Variants in ZNF608 observed in about 807,000 individuals in gnomAD.
ZNF608 encodes the protein zinc finger protein 608.
In ZNF608, 12 loss-of-function variants were observed where a neutral mutation model predicts 109.0. That is an observed-to-expected ratio of 0.11 (90% confidence interval 0.07 to 0.18). The LOEUF (loss-of-function observed/expected upper bound fraction) is 0.18. Ranked by LOEUF, ZNF608 falls within the 10% of genes least tolerant of loss-of-function variation. The probability of loss-of-function intolerance (pLI) is 1.00; values close to 1 mark genes in which losing one functional copy is unlikely to be tolerated. For synonymous variants in ZNF608, 732 were observed against 717.4 expected, an observed-to-expected ratio of 1.02 and a Z score of -0.33; for missense variants, 1,707 against 1,879.3, an observed-to-expected ratio of 0.91 and a Z score of 1.70.
At chr5:124,662,904 C>A (rs1751329424) in intron 3 of ZNF608, among the ~76,000 whole-genome samples, 1 of 152,158 alleles carries the variant, frequency 6.6e-6, no homozygotes, top group Non-Finnish European at 1.5e-5. Context: ...AATACCAATG[C>A]AAACAGAATG....
intron 3 of ZNF608, among the ~76,000 whole-genome samples, chr5:124,651,833 A>C (rs1750795714): frequency 6.6e-6 from 1 of 152,194 alleles, no homozygotes; most frequent in Middle Eastern, 3.2e-3. Context: ...AGCGTGGCGG[A>C]GGCAAAGGGA....
chr5:124,648,950 T>A lies in ZNF608; in HGVS notation c.1434A>T (p.Gly478=), dbSNP rs746494012. The A allele has an allele frequency of 1.9e-6, 3 of 1,614,044 alleles. No individual in the cohort carries two copies. The highest frequency in any genetic ancestry group is 3.3e-5 in the Admixed American group (2 of 59,990). ...KGRRGSLNAS[G]RRTPPNCAAE... ...CAGCACAATTTGGGGGTGTCCTTCG[T>A]CCGCTGGCATTGAGGCTGCCCCGCC... The change falls in exon 5 of 10, where the codon GGA becomes GGT. Residue 478 remains glycine (G), a synonymous_variant. Transcript: ENST00000513986.
At chr5:124,697,457 T>G (rs928853730) in intron 3 of ZNF608, among the ~76,000 whole-genome samples, 3 of 152,288 alleles carry the variant, frequency 2.0e-5, no homozygotes, top group Admixed American at 1.3e-4. Context: ...CTAAGGAAAT[T>G]CTTTCCAACA....
intron 3 of ZNF608, among the ~76,000 whole-genome samples, chr5:124,685,172 A>G (rs77718335): frequency 0.057 from 8,534 of 149,672 alleles, 739 homozygotes; most frequent in African/African-American, 0.2. Flanking sequence ...CATGTATCCA[A>G]AAAAGAAGTT....
At chr5:124,711,786 G>T (rs114072637) in intron 2 of ZNF608, among the ~76,000 whole-genome samples, 1,662 of 152,324 alleles carry the variant, frequency 0.011, 43 homozygotes, top group African/African-American at 0.038. Flanking sequence ...GGGACAGGGA[G>T]AGCTGAGGCT....
chr5:124,708,863 C>T, intron 2 of ZNF608: 1 of 433,936 alleles, frequency 2.3e-6, no homozygotes, highest in South Asian at 1.6e-5. Context: ...CCCACCATGC[C>T]AAAATTCCAG....
intron 3 of ZNF608, among the ~76,000 whole-genome samples, chr5:124,652,464 A>G (rs148978410): frequency 1.1e-3 from 169 of 152,308 alleles, no homozygotes; most frequent in African/African-American, 3.8e-3. Flanking sequence ...GCTTGTGTCT[A>G]TCTTTCTTTA....
intron 2 of ZNF608, among the ~76,000 whole-genome samples, chr5:124,711,056 A>G (rs1753468150): frequency 6.6e-6 from 1 of 152,228 alleles, no homozygotes; most frequent in South Asian, 2.1e-4. Context: ...AAGAGGCCAC[A>G]GCCTGTCCCA....
intron 7 of ZNF608, 66 bp from the exon 8 acceptor site, chr5:124,641,471 C>A: frequency 6.8e-7 from 1 of 1,473,374 alleles, no homozygotes; most frequent in Non-Finnish European, 9.1e-7. Context: ...AGTACTAAAC[C>A]ACCTTTGTCC....
At chr5:124,690,927 A>ACG (rs1022646624) in intron 3 of ZNF608, among the ~76,000 whole-genome samples, 2 of 66,980 alleles carry the variant, frequency 3.0e-5, no homozygotes, top group Non-Finnish European at 5.4e-5. Context: ...ACAGAAAAAC[A>ACG]CACACACACA....
chr5:124,678,262 C>A (rs1278398660), intron 3 of ZNF608, among the ~76,000 whole-genome samples: 1 of 152,120 alleles, frequency 6.6e-6, no homozygotes, highest in East Asian at 1.9e-4. Flanking sequence ...CAGGCATTAC[C>A]AAGAAATCTT....
intron 3 of ZNF608, among the ~76,000 whole-genome samples, chr5:124,685,796 C>G (rs1752389492): frequency 6.6e-6 from 1 of 152,138 alleles, no homozygotes. Flanking sequence ...ATCACTAGAG[C>G]CACAGACCTC....
upstream of ZNF608, among the ~76,000 whole-genome samples, chr5:124,748,294 G>C (rs1198397434): frequency 2.6e-5 from 4 of 152,178 alleles, no homozygotes; most frequent in Non-Finnish European, 5.9e-5. Flanking sequence ...CTTTGGGTTA[G>C]AGCCCAAAAG....
At chr5:124,731,786 A>T (rs1042914236) in intron 2 of ZNF608, among the ~76,000 whole-genome samples, 1 of 152,090 alleles carries the variant, frequency 6.6e-6, no homozygotes, top group Admixed American at 6.5e-5. Flanking sequence ...AGATCGTGCC[A>T]CTGCACTCCA....
chr5:124,701,606 T>C (rs1187586101), intron 2 of ZNF608, among the ~76,000 whole-genome samples: 1 of 152,230 alleles, frequency 6.6e-6, no homozygotes, highest in Non-Finnish European at 1.5e-5. Flanking sequence ...TTCTCACATG[T>C]AATGAAATCT....
At chr5:124,643,792 G>T in intron 6 of ZNF608, 109 bp from the exon 7 acceptor site, 1 of 1,096,566 alleles carries the variant, frequency 9.1e-7, no homozygotes, top group Non-Finnish European at 1.3e-6. Flanking sequence ...TAAAATAGGG[G>T]GTTACATTAA....
intron 3 of ZNF608, among the ~76,000 whole-genome samples, chr5:124,665,180 CA>C (rs5871098): frequency 0.14 from 19,076 of 135,350 alleles, 2,127 homozygotes; most frequent in African/African-American, 0.34. Flanking sequence ...CACCTCCCCC[CA>C]AAAAAAAAAA....
chr5:124,693,596 A>T (rs1481857004), intron 3 of ZNF608, among the ~76,000 whole-genome samples: 1 of 152,230 alleles, frequency 6.6e-6, no homozygotes, highest in Non-Finnish European at 1.5e-5. Flanking sequence ...TAATGTCACC[A>T]CGAAAATATA....
intron 2 of ZNF608, among the ~76,000 whole-genome samples, chr5:124,709,956 C>T (rs1753422154): frequency 6.6e-6 from 1 of 152,206 alleles, no homozygotes; most frequent in Non-Finnish European, 1.5e-5. Context: ...TGTTCCCAAT[C>T]CCTTAAAAGT....
Sources: allele counts gnomAD v4.1 joint callset (sites outside exome capture counted in the v4.1 genomes callset), GRCh38; gene constraint gnomAD v4.1.1; transcripts MANE v1.5; gene names NCBI Gene and HGNC (gene_info 2026-07-23, HGNC 2026-07-21).